Variants in ATP9A observed in about 807,000 individuals in gnomAD.
ATP9A encodes the protein probable phospholipid-transporting ATPase IIA.
In ATP9A, 52 loss-of-function variants were observed where a neutral mutation model predicts 144.1. The ratio of observed to expected loss-of-function variants is 0.36; its 90% CI spans 0.29 to 0.45. The LOEUF is 0.45. Ranked by LOEUF, ATP9A falls within the 20% of genes least tolerant of loss-of-function variation. ATP9A has a pLI of 1.00. For missense variants in ATP9A, 947 were observed against 1,392.7 expected (o/e 0.68, Z 5.09); for synonymous variants, 582 against 557.4 (o/e 1.04, Z -0.62).
At chr20:51,756,239 C>G (rs111392890) in intron 1 of ATP9A, among the ~76,000 whole-genome samples, 30,965 of 151,596 alleles carry the variant, frequency 0.2, 3,513 homozygotes, top group Non-Finnish European at 0.25. Context: ...CCACCTTCCC[C>G]CTGTGTCCTC....
intron 23 of ATP9A, 109 bp from the exon 24 acceptor site, chr20:51,610,274 T>C (rs742756): frequency 0.11 from 87,350 of 799,000 alleles, 5,834 homozygotes; most frequent in South Asian, 0.23. Context: ...CCGGCACTGC[T>C]GTAAGGTACT....
chr20:51,617,413 C>A, intron 22 of ATP9A, 77 bp downstream of exon 22: 1 of 1,439,190 alleles, frequency 6.9e-7, no homozygotes, highest in Non-Finnish European at 9.6e-7. Flanking sequence ...TTCCAGAAGG[C>A]TTAAAGCTGT....
chr20:51,665,148 A>C (rs1187949835), intron 13 of ATP9A, among the ~76,000 whole-genome samples: 2 of 152,030 alleles, frequency 1.3e-5, no homozygotes, highest in Non-Finnish European at 2.9e-5. Flanking sequence ...GACCGGCCAG[A>C]CACAAAAGGT....
chr20:51,759,627 C>T (rs146699866), intron 1 of ATP9A, among the ~76,000 whole-genome samples: 3,655 of 152,008 alleles, frequency 0.024, 63 homozygotes, highest in Non-Finnish European at 0.038. Flanking sequence ...GAGCCGAGAT[C>T]GCACCACTAC....
chr20:51,618,633 G>C (rs2077213100), intron 21 of ATP9A, 29 bp downstream of exon 21: 1 of 1,596,242 alleles, frequency 6.3e-7, no homozygotes, highest in African/African-American at 1.3e-5. Context: ...GCAGGCCAGG[G>C]CCAGCAGCAC....
intron 1 of ATP9A, among the ~76,000 whole-genome samples, chr20:51,739,132 A>G (rs2077774507): frequency 1.3e-5 from 2 of 152,046 alleles, no homozygotes; most frequent in African/African-American, 4.8e-5. Context: ...CCCCACCTGC[A>G]CTTGGAAGGT....
intron 15 of ATP9A, among the ~76,000 whole-genome samples, chr20:51,633,847 G>A (rs1418692812): frequency 6.9e-6 from 1 of 145,036 alleles, no homozygotes; most frequent in East Asian, 2.1e-4. Context: ...GAGAGAGACA[G>A]AAAGAGGGAA....
chr20:51,692,217 T>C lies in ATP9A; in HGVS notation c.643-1398A>G, dbSNP rs375805346. Among the ~76,000 whole-genome samples the C allele has an allele frequency of 1.4e-4, 22 of 152,362 alleles. 3 individuals are homozygous for C. Among genetic ancestry groups the C allele is most frequent in the Admixed American group, 3.3e-4 (5 of 15,292 alleles). ...GTCAATGTACTTCATGCCACTGAAC[T>C]GTACACTTAAAAACGGTTAGGACGA... On this transcript the variant is annotated intron_variant, in intron 7 of 27. Coordinates refer to ENST00000338821, the MANE Select transcript of ATP9A (RefSeq NM_006045.3).
intron 17 of ATP9A, 29 bp from the exon 18 acceptor site, chr20:51,625,391 G>A: frequency 1.9e-6 from 3 of 1,599,116 alleles, no homozygotes; most frequent in South Asian, 1.1e-5. Context: ...TGCAGTCACT[G>A]CTTAGGGTGA....
At chr20:51,650,507 C>T (rs796267668) in intron 14 of ATP9A, among the ~76,000 whole-genome samples, 13 of 149,972 alleles carry the variant, frequency 8.7e-5, no homozygotes, top group African/African-American at 3.2e-4. Context: ...GCACTCCAGC[C>T]TGGGTGACAG....
chr20:51,764,712 T>C (rs1175579829), intron 1 of ATP9A, among the ~76,000 whole-genome samples: 1 of 152,010 alleles, frequency 6.6e-6, no homozygotes, highest in African/African-American at 2.4e-5. Context: ...TGTTTCCCTG[T>C]CAATAAAATG....
chr20:51,666,222 G>A (rs149949932), intron 13 of ATP9A, among the ~76,000 whole-genome samples: 106 of 152,288 alleles, frequency 7.0e-4, no homozygotes, highest in African/African-American at 2.4e-3. Flanking sequence ...AGATACCCAT[G>A]CTCTGAACAG....
rs571264290 is a variant in ATP9A at position 51,695,982 on chromosome 20, C to T, written c.547+111G>A. On this transcript the variant is annotated intron_variant, in intron 6 of 27. Coordinates refer to ENST00000338821, the MANE Select transcript of ATP9A (RefSeq NM_006045.3). ...ATTTAAAAAGATGCTTTTGATTTGC[C>T]TCCATGGCTCCAAAATGATAATCTA... 33 of 983,446 alleles carry T rather than the reference C, an allele frequency of 3.4e-5. No individual in the cohort carries two copies. The South Asian group carries it at 4.8e-4, about 14-fold the overall frequency. The allele number at this position is 983,446 out of a possible 1,614,324, so 60.9% of individuals were successfully genotyped here. A position where few individuals can be genotyped will look rare whatever the true frequency, so the allele number is the denominator to read the frequency against.
intron 1 of ATP9A, among the ~76,000 whole-genome samples, chr20:51,762,527 C>T (rs565878392): frequency 8.4e-4 from 126 of 150,364 alleles, no homozygotes; most frequent in African/African-American, 2.6e-3. Flanking sequence ...GGCGTGGCGG[C>T]GGGAGCCTGT....
In ATP9A at chr20:51,763,254, C is replaced by A. The variant is rs1401538322; in HGVS notation, c.68+5048G>T. 3.3e-5 allele frequency among the ~76,000 whole-genome samples: 5 copies of A among 150,430 alleles called. No individual in the cohort carries two copies. In the East Asian group the frequency reaches 9.7e-4, roughly 29 times the overall value. On this transcript the variant is annotated intron_variant, in intron 1 of 27. Transcript: ENST00000338821. ...GTGATGGAAACATTCAAAACCCATG[C>A]CGGAGTGATGGTTGCATAACTCCAT...
intron 13 of ATP9A, among the ~76,000 whole-genome samples, chr20:51,666,168 C>T (rs2077432049): frequency 6.6e-6 from 1 of 152,100 alleles, no homozygotes; most frequent in Non-Finnish European, 1.5e-5. Context: ...TTCCTGTACC[C>T]CAGTGGGTCA....
At chr20:51,689,174 C>G (rs766861598) in intron 8 of ATP9A, 35 bp from the exon 9 acceptor site, 12 of 1,599,778 alleles carry the variant, frequency 7.5e-6, no homozygotes, top group South Asian at 1.1e-5. Context: ...GTTCACCCCC[C>G]AAAGCTTCCC....
intron 15 of ATP9A, among the ~76,000 whole-genome samples, chr20:51,632,365 C>T (rs1263954873): frequency 2.0e-5 from 3 of 152,312 alleles, no homozygotes; most frequent in East Asian, 3.9e-4. Context: ...CAGGAGCCAC[C>T]GTACCAAGCC....
At chr20:51,605,329 G>A (rs2077158932) in intron 26 of ATP9A, among the ~76,000 whole-genome samples, 1 of 152,228 alleles carries the variant, frequency 6.6e-6, no homozygotes, top group Non-Finnish European at 1.5e-5. Flanking sequence ...TTAAAATGAT[G>A]GAGTCGCGGC....
Sources: gnomAD v4.1 joint callset for allele counts (sites outside exome capture counted in the v4.1 genomes callset) on GRCh38, gnomAD v4.1.1 for gene constraint, MANE v1.5 for transcripts, NCBI Gene and HGNC (gene_info 2026-07-23, HGNC 2026-07-21) for gene names.